FSTL5: variants seen among roughly 807,000 people sequenced by gnomAD.
The protein encoded by FSTL5 is follistatin like 5, also known as follistatin-related protein 5.
A neutral mutation model predicts 89.1 loss-of-function variants in FSTL5; 62 were observed. That is an observed-to-expected ratio of 0.70 (90% CI 0.57 to 0.86). The LOEUF is 0.86. FSTL5 is among the 40% of genes least tolerant of loss of function. The pLI is 0.00. For synonymous variants in FSTL5, 383 were observed against 346.2 expected (o/e 1.11, Z -1.18); for missense variants, 1,057 against 1,001.6 (o/e 1.06, Z -0.75).
chr4:161,455,960 TCTC>T (rs1358814914), intron 14 of FSTL5, among the ~76,000 whole-genome samples: 1 of 152,172 alleles, frequency 6.6e-6, no homozygotes, highest in African/African-American at 2.4e-5. Flanking sequence ...GACTAAAACT[TCTC>T]CTTTGGTTTT....
Position 161,455,140 on chromosome 4 carries a change from A to T in FSTL5, c.1717-12T>A, listed in dbSNP as rs1451115295. 3.8e-6 allele frequency: 6 copies of T among 1,591,474 alleles called. No individual in the cohort carries two copies. Among genetic ancestry groups the T allele is most frequent in the Non-Finnish European group, 5.1e-6 (6 of 1,171,148 alleles). On this transcript the variant is annotated splice_polypyrimidine_tract_variant and intron_variant, in intron 14 of 15. Coordinates refer to ENST00000306100, the MANE Select transcript of FSTL5 (RefSeq NM_020116.5). ...GCCAGGGTAATTACCTAAAGAGAAC[A>T]CACCTTGGTTAGACCTCAACAATGC...
intron 12 of FSTL5, among the ~76,000 whole-genome samples, chr4:161,491,592 G>A (rs1471228865): frequency 3.9e-5 from 6 of 152,020 alleles, no homozygotes; most frequent in Admixed American, 3.3e-4. Flanking sequence ...TGTAACCCCA[G>A]CACTTTGGGA....
intron 3 of FSTL5, among the ~76,000 whole-genome samples, chr4:161,990,954 A>T (rs545567822): frequency 7.2e-5 from 11 of 152,274 alleles, no homozygotes; most frequent in African/African-American, 2.6e-4. Flanking sequence ...AAAACACAGC[A>T]GCTACTAGCA....
chr4:161,842,571 TTA>T (rs556658884), intron 4 of FSTL5, among the ~76,000 whole-genome samples: 1 of 152,240 alleles, frequency 6.6e-6, no homozygotes, highest in South Asian at 2.1e-4. Context: ...AATTGAATGA[TTA>T]TATGTTACTG....
chr4:161,431,289 A>C (rs1732357206), intron 15 of FSTL5, among the ~76,000 whole-genome samples: 1 of 152,128 alleles, frequency 6.6e-6, no homozygotes, highest in Admixed American at 6.5e-5. Flanking sequence ...AAACAACAAA[A>C]AGTTTTTTAA....
intron 4 of FSTL5, among the ~76,000 whole-genome samples, chr4:161,885,438 T>C (rs1304409126): frequency 3.3e-5 from 5 of 152,098 alleles, no homozygotes; most frequent in Non-Finnish European, 7.4e-5. Flanking sequence ...ACCATATCCA[T>C]ATTTTTAAAA....
chr4:161,538,057 A>G, intron 10 of FSTL5, 109 bp downstream of exon 10: 1 of 923,348 alleles, frequency 1.1e-6, no homozygotes, highest in Non-Finnish European at 1.7e-6. Context: ...TATTTGTTAT[A>G]ATGCATTGTG....
At chr4:161,527,135 T>C (rs1339444030) in intron 10 of FSTL5, among the ~76,000 whole-genome samples, 4 of 152,206 alleles carry the variant, frequency 2.6e-5, no homozygotes, top group East Asian at 3.9e-4. Flanking sequence ...TGGTTTGTAG[T>C]TCTCCTTGAA....
intron 15 of FSTL5, among the ~76,000 whole-genome samples, chr4:161,408,137 C>G (rs2110926909): frequency 6.6e-6 from 1 of 152,236 alleles, no homozygotes; most frequent in South Asian, 2.1e-4. Context: ...AGGTGGCTTT[C>G]CCAAGGCCCA....
intron 5 of FSTL5, among the ~76,000 whole-genome samples, chr4:161,771,957 T>A (rs1741225813): frequency 1.3e-5 from 2 of 152,164 alleles, no homozygotes; most frequent in African/African-American, 4.8e-5. Flanking sequence ...AAGAGGTGGA[T>A]TGAATGAGAT....
At chr4:162,062,813 C>G (rs1738766431) in intron 2 of FSTL5, among the ~76,000 whole-genome samples, 1 of 150,990 alleles carries the variant, frequency 6.6e-6, no homozygotes. Flanking sequence ...TAAAAAAACC[C>G]AGAATAATAA....
intron 1 of FSTL5, among the ~76,000 whole-genome samples, chr4:162,153,811 T>A (rs1561049309): frequency 7.4e-6 from 1 of 135,968 alleles, no homozygotes; most frequent in Non-Finnish European, 1.6e-5. Flanking sequence ...ATATATATAT[T>A]TATATTTATT....
At chr4:161,926,219 G>A (rs1464796778) in intron 3 of FSTL5, among the ~76,000 whole-genome samples, 7 of 151,686 alleles carry the variant, frequency 4.6e-5, no homozygotes, top group South Asian at 2.1e-4. Context: ...CTTTGCAGTC[G>A]GTCAAAAAAG....
At chr4:161,513,630 T>A (rs190210683) in intron 10 of FSTL5, among the ~76,000 whole-genome samples, 1 of 152,208 alleles carries the variant, frequency 6.6e-6, no homozygotes, top group Admixed American at 6.5e-5. Context: ...AAATGTGGAA[T>A]ACATACACCA....
rs573396892 is a variant in FSTL5 at position 161,983,097 on chromosome 4, A to C, written c.160+50528T>G. Among the ~76,000 whole-genome samples the C allele has an allele frequency of 2.6e-5, 4 of 152,340 alleles. No individual in the cohort carries two copies. The South Asian group carries it at 8.3e-4, about 32-fold the overall frequency. ...CAGTTTTTGTACGCATTGCACTGACAAACCAGGAGAAAAAACACCATGGAG... is the reference window on the plus strand; with the variant it reads ...CAGTTTTTGTACGCATTGCACTGACCAACCAGGAGAAAAAACACCATGGAG... On this transcript the variant is annotated intron_variant, in intron 3 of 15. Coordinates refer to ENST00000306100, the MANE Select transcript of FSTL5 (RefSeq NM_020116.5).
At chr4:161,975,902 C>A (rs1034681027) in intron 3 of FSTL5, among the ~76,000 whole-genome samples, 4 of 150,552 alleles carry the variant, frequency 2.7e-5, no homozygotes, top group Non-Finnish European at 5.9e-5. Flanking sequence ...GATCACGAGG[C>A]CAGGAGACCG....
At chr4:161,500,930 T>C (rs76393039) in intron 11 of FSTL5, among the ~76,000 whole-genome samples, 4,901 of 152,136 alleles carry the variant, frequency 0.032, 268 homozygotes, top group African/African-American at 0.11. Flanking sequence ...TGAACACCTG[T>C]TCTCTTTGTT....
At chr4:162,116,014 AAG>A (rs1212150423) in intron 1 of FSTL5, among the ~76,000 whole-genome samples, 2 of 151,848 alleles carry the variant, frequency 1.3e-5, no homozygotes, top group African/African-American at 2.4e-5. Context: ...TTTGAATGAA[AAG>A]AGTGTCGAGA....
intron 6 of FSTL5, 87 bp from the exon 7 acceptor site, chr4:161,656,581 G>T: frequency 1.4e-6 from 1 of 738,690 alleles, no homozygotes; most frequent in Non-Finnish European, 2.0e-6. Flanking sequence ...AGTAATTAAG[G>T]CTTTTAATTT....
Sources: allele counts gnomAD v4.1 joint callset (sites outside exome capture counted in the v4.1 genomes callset), GRCh38; gene constraint gnomAD v4.1.1; transcripts MANE v1.5; gene names NCBI Gene and HGNC (gene_info 2026-07-23, HGNC 2026-07-21).